The following TBR1 variants were observed in gnomAD, a reference collection of about 807,000 sequenced individuals.
TBR1 encodes the protein T-box brain protein 1.
A neutral mutation model predicts 60.3 loss-of-function variants in TBR1; 7 were observed. The observed-to-expected ratio is 0.12, with a 90% CI of 0.07 to 0.22. TBR1 has a LOEUF of 0.22. TBR1 is among the 10% of genes least tolerant of loss of function. The pLI is 1.00. For synonymous variants in TBR1, 417 were observed against 409.9 expected, an observed-to-expected ratio of 1.02 and a Z score of -0.21; for missense variants, 616 against 936.8, an observed-to-expected ratio of 0.66 and a Z score of 4.47.
At position 161,417,241 on chromosome 2, in the gene TBR1, G is replaced by C. The variant is rs991742393; in HGVS notation, c.692+139G>C. The C allele has an allele frequency of 1.1e-6, 1 of 874,182 alleles. No homozygotes were observed. Among genetic ancestry groups the C allele is most frequent in the Non-Finnish European group, 1.7e-6 (1 of 581,122 alleles). The allele number at this position is 874,182 out of a possible 1,614,324, so 54.2% of individuals were successfully genotyped here. On this transcript the variant is annotated intron_variant, in intron 1 of 5. Transcript: ENST00000389554. This position sits in a 1 kb window ranked among gnomAD's most constrained non-coding sequence, Gnocchi z 5.3. ...CCTAGAGTTGGCTAGTTTTGGAAAG[G>C]GGGAAAGTGGAAGGGATAACCGCCA...
rs1684297664 is a variant in TBR1, at chr2:161,424,899, C to T, written c.*672C>T. The T allele has an allele frequency of 6.6e-6, 1 of 152,548 alleles. No individual in the cohort carries two copies. Among genetic ancestry groups the T allele is most frequent in the African/African-American group, 2.4e-5 (1 of 41,408 alleles). 9.4% of individuals were successfully genotyped at this position (152,548 alleles called of 1,614,324 possible). A position where few individuals can be genotyped will look rare whatever the true frequency, so the allele number is the denominator to read the frequency against. ...TCCTCTCATACTTTCTCTTCTCTCT[C>T]TTTTAATTTTCTTGTGAGATAATAT... On this transcript the variant is annotated 3_prime_UTR_variant, in exon 6 of 6. Coordinates refer to ENST00000389554, the MANE Select transcript of TBR1 (RefSeq NM_006593.4). This position sits in a 1 kb window ranked among gnomAD's most constrained non-coding sequence, Gnocchi z 4.4.
rs1684125822 is a variant in TBR1, at chr2:161,416,561, C to T, written c.151C>T (p.Pro51Ser). The T allele has an allele frequency of 6.2e-7, 1 of 1,613,992 alleles. No homozygotes were observed. The highest frequency in any genetic ancestry group is 1.3e-5 in the African/African-American group (1 of 74,888). ...CACTGACAACCTGGAGAGAAGTTCACCTTTGAAAAAAATTACCAGGGGGAT... is the reference window on the plus strand; with the variant it reads ...CACTGACAACCTGGAGAGAAGTTCATCTTTGAAAAAAATTACCAGGGGGAT... The part of the protein sequence containing the change: ...STTDNLERSS[P>S]LKKITRGMTN... Residue 51 changes from proline to serine, a missense_variant, in exon 1 of 6, where the codon CCT becomes TCT. This residue lies in a region of TBR1 where 211 missense variants were observed against 268.7 expected (regional missense o/e 0.79). Transcript: ENST00000389554. The surrounding 1 kb of genome is among the most constrained non-coding windows in gnomAD (Gnocchi z 6.1).
Position 161,416,544 on chromosome 2 carries a change from A to T in TBR1, c.134A>T (p.Asn45Ile). The T allele has an allele frequency of 6.2e-7, 1 of 1,614,160 alleles. No homozygotes were observed. Among genetic ancestry groups the T allele is most frequent in the Non-Finnish European group, 8.5e-7 (1 of 1,180,028 alleles). ...HDHPIISTTD[N>I]LERSSPLKKI... The stretch of plus-strand genomic sequence containing the variant: ...CATCCCATTATCTCGACCACTGACA[A>T]CCTGGAGAGAAGTTCACCTTTGAAA... Residue 45 changes from asparagine to isoleucine, a missense_variant, in exon 1 of 6, where the codon AAC becomes ATC. Physicochemically the swap from Asn to Ile is moderately radical, Grantham distance 149 (BLOSUM62 -3). Coordinates refer to ENST00000389554, the MANE Select transcript of TBR1 (RefSeq NM_006593.4). This position sits in a 1 kb window ranked among gnomAD's most constrained non-coding sequence, Gnocchi z 6.1.
At chr2:161,422,340 TTTGA>T (rs1489210298) in intron 5 of TBR1, 1 of 152,242 alleles carries the variant, frequency 6.6e-6, no homozygotes, top group Admixed American at 6.5e-5. Flanking sequence ...AAAGTTAATC[TTTGA>T]TTATTTTATC....
intron 3 of TBR1, 62 bp from the exon 4 acceptor site, chr2:161,418,830 C>T: frequency 1.3e-6 from 2 of 1,569,118 alleles, no homozygotes; most frequent in Non-Finnish European, 8.7e-7. Context: ...GCGCACACAG[C>T]CACGCGCACA....
rs1430534386 is a variant in TBR1 at position 161,416,688 on chromosome 2, T to A, written c.278T>A (p.Leu93His). ...LSPVLDGVSE[L>H]RHSFDGSAAD... ...CCTGTCTTGGACGGGGTCTCTGAGC[T>A]TCGTCACAGTTTCGATGGCTCTGCT... The change falls in exon 1 of 6, where the codon CTT becomes CAT. Residue 93 changes from leucine to histidine, a missense_variant. Around this residue, in one of 8 missense-constraint regions of TBR1, gnomAD observed 211 missense variants for 268.7 expected, o/e 0.79. Coordinates refer to ENST00000389554, the MANE Select transcript of TBR1 (RefSeq NM_006593.4). The surrounding 1 kb of genome is among the most constrained non-coding windows in gnomAD (Gnocchi z 6.1). 4 of 1,614,190 alleles carry A rather than the reference T, an allele frequency of 2.5e-6. No homozygotes were observed. Among genetic ancestry groups the A allele is most frequent in the Admixed American group, 1.7e-5 (1 of 60,026 alleles).
chr2:161,424,357 C>A lies in TBR1; in HGVS notation c.*130C>A. ...ATTTTATTTGACCCTCGATGGCCGTCTGCAGCGAATAAGTGCAGGTCTCCG... is the reference window on the plus strand; with the variant it reads ...ATTTTATTTGACCCTCGATGGCCGTATGCAGCGAATAAGTGCAGGTCTCCG... On this transcript the variant is annotated 3_prime_UTR_variant, in exon 6 of 6. Coordinates refer to ENST00000389554, the MANE Select transcript of TBR1 (RefSeq NM_006593.4). The surrounding 1 kb of genome is among the most constrained non-coding windows in gnomAD (Gnocchi z 4.4). The A allele has an allele frequency of 9.4e-7, 1 of 1,058,928 alleles. No individual in the cohort carries two copies. The highest frequency in any genetic ancestry group is 1.3e-6 in the Non-Finnish European group (1 of 743,294). 65.6% of individuals were successfully genotyped at this position (1,058,928 alleles called of 1,614,324 possible). A position where few individuals can be genotyped will look rare whatever the true frequency, so the allele number is the denominator to read the frequency against.
chr2:161,420,728 G>A (rs1021952768), intron 5 of TBR1: 2 of 152,648 alleles, frequency 1.3e-5, no homozygotes, highest in Admixed American at 6.5e-5. Context: ...CTTAGCATAT[G>A]CGACCTTTAT....
At chr2:161,418,806 G>C in intron 3 of TBR1, 86 bp from the exon 4 acceptor site, 1 of 1,505,652 alleles carries the variant, frequency 6.6e-7, no homozygotes, top group Non-Finnish European at 8.9e-7. Context: ...CCGCCGGCCC[G>C]GGCGCGCAGC....
At chr2:161,420,311 C>CAA in intron 5 of TBR1, 54 bp downstream of exon 5, 1 of 1,446,578 alleles carries the variant, frequency 6.9e-7, no homozygotes, top group Non-Finnish European at 9.6e-7. Flanking sequence ...GGCTTTAGGT[C>CAA]AAAGGTGTAT....
Position 161,423,576 on chromosome 2 carries a change from G to A in TBR1, c.1398G>A (p.Gly466=). Residue 466 remains glycine, a synonymous_variant, in exon 6 of 6, where the codon GGG becomes GGA. Transcript: ENST00000389554. ...ACCGCAGCGTGCCGCACACCAACGGGCTGCTGTCGCCGCAGCAGGCCGAGG... is the reference window on the plus strand; with the variant it reads ...ACCGCAGCGTGCCGCACACCAACGGACTGCTGTCGCCGCAGCAGGCCGAGG... The part of the protein sequence containing the change: ...GTDRSVPHTN[G]LLSPQQAEDP... 1 of 1,547,356 alleles carries A rather than the reference G, an allele frequency of 6.5e-7. No homozygotes were observed. Among genetic ancestry groups the A allele is most frequent in the African/African-American group, 1.4e-5 (1 of 70,484 alleles).
chr2:161,424,290 C>T lies in TBR1; in HGVS notation c.*63C>T. The T allele has an allele frequency of 6.8e-7, 1 of 1,466,378 alleles. No individual in the cohort carries two copies. Among genetic ancestry groups the T allele is most frequent in the South Asian group, 1.4e-5 (1 of 73,646 alleles). The allele number at this position is 1,466,378 out of a possible 1,614,324, so 90.8% of individuals were successfully genotyped here. On this transcript the variant is annotated 3_prime_UTR_variant, in exon 6 of 6. Transcript: ENST00000389554. This position sits in a 1 kb window ranked among gnomAD's most constrained non-coding sequence, Gnocchi z 4.4. ...CCCCAGCCAGCCCCTCACAGCTCTT[C>T]CCCAGCTCCGCCTCCCCACACTCCT... is the stretch of plus-strand genomic sequence containing the variant.
In TBR1 at chr2:161,417,703, C is replaced by T; in HGVS notation, c.720C>T (p.Asn240=). ...GRRMFPFLSF[N]ISGLDPTAHY... is the part of the protein sequence containing the mutation. ...GCATGTTTCCTTTTTTAAGTTTTAA[C>T]ATTTCTGGTCTCGATCCCACGGCTC... The change falls in exon 2 of 6, where the codon AAC becomes AAT. Residue 240 remains asparagine (N), a synonymous_variant. Transcript: ENST00000389554. This position sits in a 1 kb window ranked among gnomAD's most constrained non-coding sequence, Gnocchi z 5.3. 1 of 1,613,512 alleles carries T rather than the reference C, an allele frequency of 6.2e-7. No individual in the cohort carries two copies. The highest frequency in any genetic ancestry group is 8.5e-7 in the Non-Finnish European group (1 of 1,179,802).
rs758470545 is a variant in TBR1 at position 161,416,680 on chromosome 2, C to G, written c.270C>G (p.Val90=). ...AACTCTCTCCTGTCTTGGACGGGGT[C>G]TCTGAGCTTCGTCACAGTTTCGATG... ...RSKLSPVLDG[V]SELRHSFDGS... The change falls in exon 1 of 6, where the codon GTC becomes GTG. Residue 90 remains valine (V), a synonymous_variant. Transcript: ENST00000389554. The surrounding 1 kb of genome is among the most constrained non-coding windows in gnomAD (Gnocchi z 6.1). The G allele has an allele frequency of 1.2e-5, 20 of 1,614,086 alleles. No homozygotes were observed. Among genetic ancestry groups the G allele is most frequent in the Non-Finnish European group, 1.7e-5 (20 of 1,180,032 alleles).
rs78370496 is a variant in TBR1, at chr2:161,419,894, T to C, written c.1129-302T>C. 3.6e-3 allele frequency: 678 copies of C among 190,162 alleles called. 25 individuals carry two copies. In the East Asian group the frequency reaches 0.076, roughly 21 times the overall value. The allele number at this position is 190,162 out of a possible 1,614,324, so 11.8% of individuals were successfully genotyped here. ...AAAGATTTTTGTCTGAACAAGTGCA[T>C]TGTGTGTAACAAGCATTTTTAAAAT... On this transcript the variant is annotated intron_variant, in intron 4 of 5. Coordinates refer to ENST00000389554, the MANE Select transcript of TBR1 (RefSeq NM_006593.4).
chr2:161,420,285 A>T, intron 5 of TBR1, 28 bp downstream of exon 5: 1 of 1,596,020 alleles, frequency 6.3e-7, no homozygotes, highest in East Asian at 2.2e-5. Flanking sequence ...TTCCTTTTCA[A>T]ATAGCTGTGG....
In TBR1 at chr2:161,417,720, C is replaced by T; in HGVS notation, c.737C>T (p.Pro246Leu). ...FLSFNISGLD[P>L]TAHYNIFVDV... is the part of the protein sequence containing the mutation. ...AGTTTTAACATTTCTGGTCTCGATC[C>T]CACGGCTCATTACAATATTTTTGTG... The change falls in exon 2 of 6, where the codon CCC becomes CTC. Residue 246 changes from proline (P) to leucine (L), a missense_variant. Around this residue, in one of 8 missense-constraint regions of TBR1, gnomAD observed 85 missense variants for 164.9 expected, o/e 0.52. Coordinates refer to ENST00000389554, the MANE Select transcript of TBR1 (RefSeq NM_006593.4). This position sits in a 1 kb window ranked among gnomAD's most constrained non-coding sequence, Gnocchi z 5.3. 1 of 1,614,050 alleles carries T rather than the reference C, an allele frequency of 6.2e-7. No individual in the cohort carries two copies. Among genetic ancestry groups the T allele is most frequent in the Non-Finnish European group, 8.5e-7 (1 of 1,180,028 alleles).
chr2:161,419,770 A>G (rs1684198488), intron 4 of TBR1: 1 of 152,702 alleles, frequency 6.5e-6, no homozygotes, highest in South Asian at 2.1e-4. Flanking sequence ...TTAAGATGCA[A>G]CTTGTGGTTT....
In TBR1 at chr2:161,423,537, C is replaced by A; in HGVS notation, c.1359C>A (p.Pro453=). Residue 453 remains proline, a synonymous_variant, in exon 6 of 6, where the codon CCC becomes CCA. Transcript: ENST00000389554. The part of the protein sequence containing the change: ...ARFHPGAGAG[P]GPGTDRSVPH... ...TCCACCCGGGCGCGGGCGCGGGCCC[C>A]GGGCCGGGTACGGACCGCAGCGTGC... 6.3e-7 allele frequency: 1 copy of A among 1,575,882 alleles called. No homozygotes were observed. Among genetic ancestry groups the A allele is most frequent in the East Asian group, 2.4e-5 (1 of 40,966 alleles).
Sources: gnomAD v4.1 joint callset for allele counts on GRCh38, gnomAD v4.1.1 for gene constraint, gnomAD v4.1.1 regional missense constraint, Gnocchi (gnomAD v3.1) non-coding constraint, MANE v1.5 for transcripts, NCBI Gene and HGNC (gene_info 2026-07-23, HGNC 2026-07-21) for gene names.